Variants in DISP3 observed in about 807,000 individuals in gnomAD.
The protein encoded by DISP3 is dispatched RND transporter family member 3.
A neutral mutation model predicts 135.3 loss-of-function variants in DISP3; 101 were observed. The observed-to-expected ratio is 0.75, with a 90% CI of 0.64 to 0.88. DISP3 has a LOEUF of 0.88. Ranked by LOEUF, DISP3 falls within the 40% of genes least tolerant of loss-of-function variation. DISP3 has a pLI of 0.00. For synonymous variants in DISP3, 856 were observed against 817.0 expected (o/e 1.05, Z -0.81); for missense variants, 1,713 against 1,878.6 (o/e 0.91, Z 1.63).
At position 11,530,969 on chromosome 1, in the gene DISP3, C is replaced by T. The variant is rs1377605602; in HGVS notation, c.3165C>T (p.Leu1055=). ...AGGAAATTGGGCACCTGTGTCACCT[C>T]TGCAAGGCCATCGCAGCCAACTCCG... ...LFKEIGHLCH[L]CKAIAANSEL... is the part of the protein sequence containing the mutation. Residue 1055 remains leucine (L), a synonymous_variant, in exon 16 of 21, where the codon CTC becomes CTT. Transcript: ENST00000294484. 1 of 1,614,080 alleles carries T rather than the reference C, an allele frequency of 6.2e-7. No homozygotes were observed. Among genetic ancestry groups the T allele is most frequent in the Admixed American group, 1.7e-5 (1 of 60,018 alleles).
intron 3 of DISP3, among the ~76,000 whole-genome samples, chr1:11,506,210 G>A (rs953896200): frequency 6.6e-6 from 1 of 152,054 alleles, no homozygotes; most frequent in Non-Finnish European, 1.5e-5. Flanking sequence ...TTACTGTGAC[G>A]TATCTTAGTG....
chr1:11,502,475 C>T (rs1318885751), intron 2 of DISP3, among the ~76,000 whole-genome samples: 1 of 151,386 alleles, frequency 6.6e-6, no homozygotes. Flanking sequence ...AGATAGGGTT[C>T]GTTTTAGGTA....
chr1:11,526,072 GAC>G (rs1369236829), intron 12 of DISP3, among the ~76,000 whole-genome samples: 1 of 152,214 alleles, frequency 6.6e-6, no homozygotes, highest in Admixed American at 6.5e-5. Context: ...TGGTGACAGG[GAC>G]ACGCGCCAAT....
rs1184098211 is a variant in DISP3, at chr1:11,501,552, G to T, written c.560G>T (p.Arg187Leu). 1 of 1,589,384 alleles carries T rather than the reference G, an allele frequency of 6.3e-7. No homozygotes were observed. The change falls in exon 2 of 21, where the codon CGG becomes CTG. Residue 187 changes from arginine to leucine, a missense_variant. Coordinates refer to ENST00000294484, the MANE Select transcript of DISP3 (RefSeq NM_020780.2). This position sits in a 1 kb window ranked among gnomAD's most constrained non-coding sequence, Gnocchi z 4.9. Reference sequence around the variant, plus strand: ...TCACTCGGTGGCCCAGGCCCTTACCGGGACACTTCCGCGGCTCAAAAGCCC... The same window carrying T: ...TCACTCGGTGGCCCAGGCCCTTACCTGGACACTTCCGCGGCTCAAAAGCCC... The part of the protein sequence containing the change: ...AASLGGPGPY[R>L]DTSAAQKPTA...
Position 11,501,461 on chromosome 1 carries a change from C to G in DISP3, c.469C>G (p.Gln157Glu). ...TLQRLISEQL[Q>E]QLHLGNRSRQ... ...TCAGCGCCTTATCTCAGAGCAGCTG[C>G]AGCAGCTGCATCTCGGCAACCGCTC... The change falls in exon 2 of 21, where the codon CAG becomes GAG. Residue 157 changes from glutamine (Q) to glutamate (E), a missense_variant. Physicochemically the swap from Gln to Glu is conservative, Grantham distance 29. Coordinates refer to ENST00000294484, the MANE Select transcript of DISP3 (RefSeq NM_020780.2). This position sits in a 1 kb window ranked among gnomAD's most constrained non-coding sequence, Gnocchi z 4.9. 6.2e-7 allele frequency: 1 copy of G among 1,603,142 alleles called. No homozygotes were observed. Among genetic ancestry groups the G allele is most frequent in the Non-Finnish European group, 8.5e-7 (1 of 1,175,240 alleles).
chr1:11,529,206 C>T lies in DISP3; in HGVS notation c.2799-350C>T, dbSNP rs1267667846. ...TCTGAGCGAGGACCACTAGGGTTGGCCCTGGGGGTCCCTCCTGAACCCTCG... is the reference window on the plus strand; with the variant it reads ...TCTGAGCGAGGACCACTAGGGTTGGTCCTGGGGGTCCCTCCTGAACCCTCG... On this transcript the variant is annotated intron_variant, in intron 13 of 20. Transcript: ENST00000294484. The surrounding 1 kb of genome is among the most constrained non-coding windows in gnomAD (Gnocchi z 4.7). Among the ~76,000 whole-genome samples the T allele has an allele frequency of 6.6e-6, 1 of 152,126 alleles. No individual in the cohort carries two copies. The highest frequency in any genetic ancestry group is 2.4e-5 in the African/African-American group (1 of 41,412).
intron 1 of DISP3, among the ~76,000 whole-genome samples, chr1:11,492,181 G>A (rs1570064760): frequency 6.6e-6 from 1 of 151,190 alleles, no homozygotes; most frequent in African/African-American, 2.4e-5. Context: ...TGGTTCAGCA[G>A]GGGAGCAGTA....
chr1:11,534,512 C>CTGGAAGCAGATATTCA lies in DISP3; in HGVS notation c.3513_3528dup (p.Ile1177AlafsTer212). The stretch of plus-strand genomic sequence containing the variant: ...GCCGGGGCTTCCAGACCTGCGAGCA[C>CTGGAAGCAGATATTCA]TGGAAGCAGATATTCATGGAAATCG... On this transcript the variant is annotated frameshift_variant, in exon 18 of 21. Transcript: ENST00000294484. LOFTEE classifies it high-confidence loss of function. The CTGGAAGCAGATATTCA allele has an allele frequency of 6.2e-7, 1 of 1,611,502 alleles. No homozygotes were observed. The highest frequency in any genetic ancestry group is 8.5e-7 in the Non-Finnish European group (1 of 1,178,110).
At chr1:11,502,955 C>T (rs781516711) in intron 3 of DISP3, 58 bp downstream of exon 3, 260 of 1,432,692 alleles carry the variant, frequency 1.8e-4, no homozygotes, top group Non-Finnish European at 2.2e-4. Flanking sequence ...CCAATTGCCT[C>T]TTACTCTTAA....
At chr1:11,494,390 G>A (rs753146373) in intron 1 of DISP3, among the ~76,000 whole-genome samples, 10 of 152,126 alleles carry the variant, frequency 6.6e-5, no homozygotes, top group Non-Finnish European at 1.3e-4. Flanking sequence ...GATTTTGCCC[G>A]TTTCACCACC....
Position 11,531,566 on chromosome 1 carries a change from C to G in DISP3, c.3231C>G (p.Gly1077=), listed in dbSNP as rs374708452. The G allele has an allele frequency of 3.3e-5, 54 of 1,613,332 alleles. No homozygotes were observed. The highest frequency in any genetic ancestry group is 4.2e-5 in the Non-Finnish European group (50 of 1,179,980). ...KPGGAQCLPS[G]YSISSFLQML... is the part of the protein sequence containing the mutation. ...TCCCTTTCTTGCCTCTCCCCGCAGG[C>G]TACAGCATCTCCTCCTTCCTGCAGA... Residue 1077 remains glycine, a splice_region_variant and synonymous_variant, in exon 17 of 21, where the codon GGC becomes GGG. Coordinates refer to ENST00000294484, the MANE Select transcript of DISP3 (RefSeq NM_020780.2). This position sits in a 1 kb window ranked among gnomAD's most constrained non-coding sequence, Gnocchi z 5.2.
At chr1:11,522,953 A>AGGACCCAGCCAGGACCCAG (rs1557615821) in intron 10 of DISP3, among the ~76,000 whole-genome samples, 2 of 83,122 alleles carry the variant, frequency 2.4e-5, no homozygotes, top group African/African-American at 8.9e-5. Flanking sequence ...CCAGAGCCCA[A>AGGACCCAGCCAGGACCCAG]CCAGGACCCA....
Position 11,499,504 on chromosome 1 carries a change from G to A in DISP3, c.-3-1486G>A, listed in dbSNP as rs928612546. Among the ~76,000 whole-genome samples, 2 of 152,128 alleles carry A rather than the reference G, an allele frequency of 1.3e-5. No individual in the cohort carries two copies. Among genetic ancestry groups the A allele is most frequent in the Non-Finnish European group, 1.5e-5 (1 of 68,032 alleles). ...ATCCCCTCGGCAAGCTGGCAGGCTC[G>A]TGTTAGGGCGTTGCAAATGGGAAGT... On this transcript the variant is annotated intron_variant, in intron 1 of 20. Transcript: ENST00000294484. The surrounding 1 kb of genome is among the most constrained non-coding windows in gnomAD (Gnocchi z 5.2).
intron 15 of DISP3, among the ~76,000 whole-genome samples, chr1:11,530,370 G>A (rs1209859584): frequency 2.6e-5 from 4 of 152,328 alleles, no homozygotes; most frequent in East Asian, 3.9e-4. Context: ...TGCTTGAGCC[G>A]GGACTGTTCT....
At position 11,516,423 on chromosome 1, in the gene DISP3, A is replaced by C. The variant is rs908235580; in HGVS notation, c.1749+262A>C. On this transcript the variant is annotated intron_variant, in intron 6 of 20. Coordinates refer to ENST00000294484, the MANE Select transcript of DISP3 (RefSeq NM_020780.2). The surrounding 1 kb of genome is among the most constrained non-coding windows in gnomAD (Gnocchi z 5.1). ...GCCTCCACCCTGGAGGACATTTGGC[A>C]GTTTCCAAAGCTCTTTCTCGTTTAA... 1.3e-5 allele frequency among the ~76,000 whole-genome samples: 2 copies of C among 152,350 alleles called. No homozygotes were observed. Among genetic ancestry groups the C allele is most frequent in the South Asian group, 4.1e-4 (2 of 4,830 alleles).
chr1:11,536,505 C>A lies in DISP3; in HGVS notation c.3998C>A (p.Thr1333Lys), dbSNP rs771544744. The A allele has an allele frequency of 1.2e-6, 2 of 1,613,350 alleles. No homozygotes were observed. Among genetic ancestry groups the A allele is most frequent in the African/African-American group, 2.7e-5 (2 of 74,938 alleles). ...ALNTGVSILY[T>K]LTVSTALLGI... is the part of the protein sequence containing the mutation. ...AACACGGGCGTGTCCATCCTCTACACGCTGACCGTCAGCACCGCCCTGCTG... is the reference window on the plus strand; with the variant it reads ...AACACGGGCGTGTCCATCCTCTACAAGCTGACCGTCAGCACCGCCCTGCTG... Residue 1333 changes from threonine (T) to lysine (K), a missense_variant, in exon 21 of 21, where the codon ACG (threonine) becomes AAG (lysine). Thr to Lys is a moderately conservative substitution (Grantham distance 78, BLOSUM62 -1). This residue lies in a region of DISP3 where 1,142 missense variants were observed against 1,384.6 expected (regional missense o/e 0.82). Coordinates refer to ENST00000294484, the MANE Select transcript of DISP3 (RefSeq NM_020780.2). This position sits in a 1 kb window ranked among gnomAD's most constrained non-coding sequence, Gnocchi z 4.3.
rs765997196 is a variant in DISP3 at position 11,535,662 on chromosome 1, C to G, written c.3816+18C>G. ...AGGCCGAGGTGCGCACCCTGCCCGCCTTACCCACTTCCCACCACATTGGGT... is the reference window on the plus strand; with the variant it reads ...AGGCCGAGGTGCGCACCCTGCCCGCGTTACCCACTTCCCACCACATTGGGT... On this transcript the variant is annotated intron_variant, in intron 20 of 20. Coordinates refer to ENST00000294484, the MANE Select transcript of DISP3 (RefSeq NM_020780.2). 5.0e-6 allele frequency: 8 copies of G among 1,602,732 alleles called. No individual in the cohort carries two copies. Among genetic ancestry groups the G allele is most frequent in the Middle Eastern group, 1.7e-4 (1 of 5,998 alleles).
In DISP3 at chr1:11,491,860, C is replaced by T. The variant is rs894711889; in HGVS notation, c.-3-9130C>T. ...ATAATTGGCCGGGCGCGGTGGCTCA[C>T]GCCTGTAATCCCAGCACTTTGGGAG... On this transcript the variant is annotated intron_variant, in intron 1 of 20. Coordinates refer to ENST00000294484, the MANE Select transcript of DISP3 (RefSeq NM_020780.2). This position sits in a 1 kb window ranked among gnomAD's most constrained non-coding sequence, Gnocchi z 4.3. Among the ~76,000 whole-genome samples the T allele has an allele frequency of 6.6e-5, 10 of 152,014 alleles. No individual in the cohort carries two copies. The highest frequency in any genetic ancestry group is 1.7e-4 in the African/African-American group (7 of 41,386).
intron 1 of DISP3, among the ~76,000 whole-genome samples, chr1:11,486,291 A>C (rs1026939797): frequency 2.6e-5 from 4 of 152,190 alleles, no homozygotes; most frequent in Admixed American, 2.6e-4. Context: ...TCACAAAGGC[A>C]GGATGTTGGT....
Sources: gnomAD v4.1 joint callset for allele counts (sites outside exome capture counted in the v4.1 genomes callset) on GRCh38, gnomAD v4.1.1 for gene constraint, gnomAD v4.1.1 regional missense constraint, Gnocchi (gnomAD v3.1) non-coding constraint, MANE v1.5 for transcripts, NCBI Gene and HGNC (gene_info 2026-07-23, HGNC 2026-07-21) for gene names.